Variants in CCNH observed in about 807,000 individuals in gnomAD.
CCNH encodes cyclin-H.
CCNH carries 31 observed loss-of-function variants against 41.9 expected under a neutral mutation model. The observed-to-expected ratio is 0.74, with a 90% CI of 0.56 to 1.00. The LOEUF (loss-of-function observed/expected upper bound fraction) is 1.00. Ranked by LOEUF, CCNH falls within the 50% of genes least tolerant of loss-of-function variation. CCNH has a pLI of 0.00. For missense variants in CCNH, 362 were observed against 388.4 expected (o/e 0.93, Z 0.57); for synonymous variants, 138 against 136.1 (o/e 1.01, Z -0.10).
chr5:87,316,108 G>A (rs1271029793), downstream of CCNH, among the ~76,000 whole-genome samples: 5 of 152,136 alleles, frequency 3.3e-5, no homozygotes, highest in Non-Finnish European at 7.4e-5. Flanking sequence ...TTTTGTGCTA[G>A]AATGCTCTGA....
chr5:87,357,943 A>G (rs1374593248), intron 9 of CCNH, among the ~76,000 whole-genome samples: 2 of 152,172 alleles, frequency 1.3e-5, no homozygotes, highest in African/African-American at 2.4e-5. Flanking sequence ...ATTAAGTGCT[A>G]TTTGTAGTCT....
chr5:87,379,616 A>G (rs1297592748), upstream of CCNH: 3 of 1,366,826 alleles, frequency 2.2e-6, no homozygotes, highest in African/African-American at 1.5e-5. Flanking sequence ...AAAAAGATCA[A>G]TACACACAGA....
At chr5:87,395,731 A>G (rs1032039043) in intron 7 of CCNH, among the ~76,000 whole-genome samples, 4 of 151,996 alleles carry the variant, frequency 2.6e-5, no homozygotes, top group African/African-American at 9.7e-5. Flanking sequence ...AAATTAACCA[A>G]TGTGGTTGAG....
chr5:87,349,712 T>G (rs909050624), intron 9 of CCNH, among the ~76,000 whole-genome samples: 2 of 151,822 alleles, frequency 1.3e-5, no homozygotes, highest in Non-Finnish European at 1.5e-5. Context: ...GTGAGATACT[T>G]TAGTAGGAAA....
At position 87,409,338 on chromosome 5, in the gene CCNH, C is replaced by T. The variant is rs766815417; in HGVS notation, c.266G>A (p.Arg89His). Residue 89 changes from arginine (R) to histidine (H), a missense_variant, in exon 3 of 9, where the codon CGT becomes CAT. Transcript: ENST00000256897. Reference protein sequence around the residue: ...VVGTACMYFKRFYLNNSVMEY... With the variant: ...VVGTACMYFKHFYLNNSVMEY... The stretch of plus-strand genomic sequence containing the variant: ...CATTACTGAGTTATTAAGATAAAAA[C>T]GTTTGAAATACATACAAGCCGTACC... 9 of 1,570,922 alleles carry T rather than the reference C, an allele frequency of 5.7e-6. No individual in the cohort carries two copies. Among genetic ancestry groups the T allele is most frequent in the Admixed American group, 1.7e-5 (1 of 59,646 alleles).
At chr5:87,390,759 C>T (rs185180240), downstream of CCNH, 43 of 1,537,170 alleles carry the variant, frequency 2.8e-5, no homozygotes, top group East Asian at 3.4e-4. Flanking sequence ...AATTGCTGAC[C>T]GAGCTTTCAT....
At position 87,331,572 on chromosome 5, in the gene CCNH, A is replaced by G. The variant is rs905548578; in HGVS notation, c.*91-12675T>C. ...ATATAATATTCATAAATATACCTGT[A>G]TAATAAAGGTGAATGACTCAGTAAC... is the stretch of plus-strand genomic sequence containing the variant. On this transcript the variant is annotated intron_variant and NMD_transcript_variant, in intron 9 of 9. Coordinates refer to the CCNH transcript ENST00000645953. The G allele has an allele frequency of 1.2e-5, 18 of 1,513,880 alleles. No individual in the cohort carries two copies. The Admixed American group carries it at 1.3e-4, about 11-fold the overall frequency. 93.8% of individuals were successfully genotyped at this position (1,513,880 alleles called of 1,614,324 possible).
At chr5:87,347,140 G>T (rs1047365226) in intron 9 of CCNH, among the ~76,000 whole-genome samples, 2 of 151,806 alleles carry the variant, frequency 1.3e-5, no homozygotes, top group Admixed American at 1.3e-4. Context: ...CTCTTTTATG[G>T]ATTTAAACTT....
intron 9 of CCNH, chr5:87,333,364 A>T: frequency 6.2e-7 from 1 of 1,610,028 alleles, no homozygotes; most frequent in South Asian, 1.1e-5. Flanking sequence ...TCTCATGTAT[A>T]GGCATTTGAA....
downstream of CCNH, among the ~76,000 whole-genome samples, chr5:87,375,942 G>C (rs1257691162): frequency 6.6e-6 from 1 of 152,110 alleles, no homozygotes; most frequent in Non-Finnish European, 1.5e-5. Context: ...CCTTATATTT[G>C]AAGTGCTCTT....
chr5:87,391,455 C>T (rs886060848), downstream of CCNH: 4 of 241,698 alleles, frequency 1.7e-5, no homozygotes, highest in East Asian at 2.4e-4. Context: ...TGCTATTTCT[C>T]TTGCTGGAAC....
chr5:87,335,934 T>TA (rs1313245722), intron 9 of CCNH, among the ~76,000 whole-genome samples: 1 of 152,230 alleles, frequency 6.6e-6, no homozygotes, highest in Admixed American at 6.5e-5. Context: ...ATATTACAAC[T>TA]AACCTTCAAG....
chr5:87,398,640 T>C (rs996001641), intron 7 of CCNH, among the ~76,000 whole-genome samples: 3 of 152,146 alleles, frequency 2.0e-5, no homozygotes, highest in Admixed American at 2.0e-4. Context: ...ATTAAAGGTG[T>C]TCTTATGGCT....
chr5:87,385,512 G>A, intron 9 of CCNH: 1 of 754,894 alleles, frequency 1.3e-6, no homozygotes, highest in Admixed American at 2.2e-5. Flanking sequence ...GATTATTTTT[G>A]TTGGTATGTT....
chr5:87,368,027 GTTCT>G (rs1455122943), intron 9 of CCNH, among the ~76,000 whole-genome samples: 8 of 151,950 alleles, frequency 5.3e-5, no homozygotes, highest in African/African-American at 1.9e-4. Flanking sequence ...GAGACCTGAT[GTTCT>G]TTGTCAGTTT....
At chr5:87,394,272 G>A (rs3203541), downstream of CCNH, 1 of 1,314,160 alleles carries the variant, frequency 7.6e-7, no homozygotes, top group Non-Finnish European at 9.7e-7. Flanking sequence ...TGCTATTCTA[G>A]CTCTTTTGAA....
At chr5:87,317,500 A>C (rs985878493), downstream of CCNH, among the ~76,000 whole-genome samples, 2 of 151,700 alleles carry the variant, frequency 1.3e-5, no homozygotes, top group Non-Finnish European at 2.9e-5. Flanking sequence ...TCTACTTTTT[A>C]CTGTGAGGCA....
At chr5:87,333,433 A>G in intron 9 of CCNH, 1 of 1,546,458 alleles carries the variant, frequency 6.5e-7, no homozygotes, top group Non-Finnish European at 8.7e-7. Flanking sequence ...AATTTGAAGA[A>G]ATGGCATACA....
At chr5:87,378,262 C>G, upstream of CCNH, 1 of 978,300 alleles carries the variant, frequency 1.0e-6, no homozygotes, top group Non-Finnish European at 1.6e-6. Context: ...GTAATTAGTA[C>G]TTTCAACGCT....
Sources: gnomAD v4.1 joint callset for allele counts (sites outside exome capture counted in the v4.1 genomes callset) on GRCh38, gnomAD v4.1.1 for gene constraint, MANE v1.5 for transcripts, NCBI Gene and HGNC (gene_info 2026-07-23, HGNC 2026-07-21) for gene names.